The following SLC6A11 variants were observed in gnomAD, a reference collection of about 807,000 sequenced individuals.
The protein encoded by SLC6A11 is sodium- and chloride-dependent GABA transporter 3.
SLC6A11 carries 25 observed loss-of-function variants against 74.8 expected under a neutral mutation model. The observed-to-expected ratio is 0.33, with a 90% CI of 0.24 to 0.47. SLC6A11 has a LOEUF of 0.47. Ranked by LOEUF, SLC6A11 falls within the 20% of genes least tolerant of loss-of-function variation. The pLI is 1.00. For missense variants in SLC6A11, 574 were observed against 837.0 expected (o/e 0.69, Z 3.88); for synonymous variants, 330 against 330.2 (o/e 1.00, Z 0.01).
In SLC6A11 at chr3:10,816,252, C is replaced by A; in HGVS notation, c.-14C>A. On this transcript the variant is annotated 5_prime_UTR_variant, in exon 1 of 14. Transcript: ENST00000254488. The surrounding 1 kb of genome is among the most constrained non-coding windows in gnomAD (Gnocchi z 4.2). ...CGCAGAGCCGGGCCGGCGCACGAGG[C>A]AGCCAGCGCGGCCATGACGGCGGAG... 1 of 1,312,770 alleles carries A rather than the reference C, an allele frequency of 7.6e-7. No individual in the cohort carries two copies. The highest frequency in any genetic ancestry group is 9.7e-7 in the Non-Finnish European group (1 of 1,033,742). 81.3% of individuals were successfully genotyped at this position (1,312,770 alleles called of 1,614,324 possible).
chr3:10,823,147 G>A (rs1443929121), intron 3 of SLC6A11, among the ~76,000 whole-genome samples, 155 bp from the exon 4 acceptor site: 4 of 152,216 alleles, frequency 2.6e-5, no homozygotes, highest in Non-Finnish European at 5.9e-5. Context: ...TTAACTGTTT[G>A]TAAAGTATTG....
chr3:10,892,958 G>GGATTAACTGGA (rs1695125115), intron 6 of SLC6A11, among the ~76,000 whole-genome samples: 1 of 152,150 alleles, frequency 6.6e-6, no homozygotes, highest in Non-Finnish European at 1.5e-5. Context: ...AGCTACAGTT[G>GGATTAACTGGA]ACTGACCCTT....
intron 6 of SLC6A11, among the ~76,000 whole-genome samples, chr3:10,875,882 A>G (rs547096099): frequency 1.3e-5 from 2 of 152,352 alleles, no homozygotes; most frequent in South Asian, 4.1e-4. Flanking sequence ...CCCAGAGCAT[A>G]ACCCAGACCA....
intron 5 of SLC6A11, among the ~76,000 whole-genome samples, chr3:10,869,903 C>G (rs757586881): frequency 2.6e-5 from 4 of 152,078 alleles, no homozygotes; most frequent in Non-Finnish European, 4.4e-5. Flanking sequence ...AGTTGGAGAT[C>G]TAGTTGGCAA....
chr3:10,935,290 T>C, intron 13 of SLC6A11, 91 bp downstream of exon 13: 2 of 1,165,490 alleles, frequency 1.7e-6, no homozygotes, highest in South Asian at 1.4e-5. Context: ...GATGACGGCC[T>C]GCGCCCACCT....
chr3:10,891,891 C>T (rs1695111368), intron 6 of SLC6A11, among the ~76,000 whole-genome samples: 1 of 152,220 alleles, frequency 6.6e-6, no homozygotes. Flanking sequence ...ATAAACCCTA[C>T]TCTGTCCACC....
At chr3:10,911,826 A>G (rs1348530542) in intron 6 of SLC6A11, among the ~76,000 whole-genome samples, 2 of 152,218 alleles carry the variant, frequency 1.3e-5, no homozygotes, top group African/African-American at 2.4e-5. Flanking sequence ...GGTCCTAAGC[A>G]TTCAAATTCT....
chr3:10,925,776 C>A (rs1695596702), intron 8 of SLC6A11, among the ~76,000 whole-genome samples: 1 of 152,160 alleles, frequency 6.6e-6, no homozygotes, highest in African/African-American at 2.4e-5. Flanking sequence ...GAATCCTGAC[C>A]CTTCCAAGGC....
At chr3:10,836,524 C>T (rs899174632) in intron 4 of SLC6A11, among the ~76,000 whole-genome samples, 1 of 152,190 alleles carries the variant, frequency 6.6e-6, no homozygotes, top group Non-Finnish European at 1.5e-5. Context: ...TATTGTCTGA[C>T]TTTTTGATTA....
chr3:10,935,235 AG>A (rs779935940), intron 13 of SLC6A11, 36 bp downstream of exon 13: 3 of 1,603,070 alleles, frequency 1.9e-6, no homozygotes, highest in Non-Finnish European at 1.7e-6. Flanking sequence ...GCGTTTGGGC[AG>A]GGTTCGCGCC....
chr3:10,855,495 C>T lies in SLC6A11; in HGVS notation c.756+11149C>T, dbSNP rs1694628377. On this transcript the variant is annotated intron_variant, in intron 5 of 13. Coordinates refer to ENST00000254488, the MANE Select transcript of SLC6A11 (RefSeq NM_014229.3). The stretch of plus-strand genomic sequence containing the variant: ...CTTCTTGGCTGTCTCCTCACTCCTG[C>T]CATAGCTCTTATCAGCAGCAGCATC... 2.6e-5 allele frequency among the ~76,000 whole-genome samples: 4 copies of T among 152,202 alleles called. No individual in the cohort carries two copies. The South Asian group carries it at 8.3e-4, about 32-fold the overall frequency.
In SLC6A11 at chr3:10,912,153, G is replaced by A. The variant is rs1441528635; in HGVS notation, c.955G>A (p.Ala319Thr). The A allele has an allele frequency of 7.4e-6, 12 of 1,613,518 alleles. No individual in the cohort carries two copies. The highest frequency in any genetic ancestry group is 1.7e-5 in the Admixed American group (1 of 59,994). ...SYAICLGCLT[A>T]LGSYNNYNNN... ...TGCCATTTGCCTGGGCTGTCTGACC[G>A]CTCTGGGAAGTTATAACAATTATAA... Residue 319 changes from alanine to threonine, a missense_variant, in exon 7 of 14, where the codon GCT becomes ACT. This residue lies in a region of SLC6A11 where 215 missense variants were observed against 357.9 expected (regional missense o/e 0.60). Coordinates refer to ENST00000254488, the MANE Select transcript of SLC6A11 (RefSeq NM_014229.3).
chr3:10,818,083 TTTA>T lies in SLC6A11; in HGVS notation c.257-1381_257-1379del, dbSNP rs1369293968. On this transcript the variant is annotated intron_variant, in intron 1 of 13. Transcript: ENST00000254488. The stretch of plus-strand genomic sequence containing the variant: ...TCTGTCACAGATTTTTTTTTTTTTT[TTTA>T]AAAAAAAAGGTTGTAGTGAGTAAAG... Among the ~76,000 whole-genome samples the T allele has an allele frequency of 1.9e-4, 29 of 150,012 alleles. 1 individual carries two copies. The highest frequency in any genetic ancestry group is 3.4e-3 in the Middle Eastern group (1 of 292).
At chr3:10,881,249 C>G (rs945265472) in intron 6 of SLC6A11, among the ~76,000 whole-genome samples, 1 of 152,054 alleles carries the variant, frequency 6.6e-6, no homozygotes, top group African/African-American at 2.4e-5. Flanking sequence ...AACTCCGTCT[C>G]TACTAAAAAT....
chr3:10,933,346 G>A, intron 11 of SLC6A11, 93 bp downstream of exon 11: 1 of 861,660 alleles, frequency 1.2e-6, no homozygotes. Context: ...GTTCTCTGTG[G>A]CTTATCTTGG....
At chr3:10,934,789 G>A (rs1376048138) in intron 12 of SLC6A11, among the ~76,000 whole-genome samples, 1 of 152,190 alleles carries the variant, frequency 6.6e-6, no homozygotes, top group Non-Finnish European at 1.5e-5. Flanking sequence ...ACAGCCCAGC[G>A]AGGTCCCAGA....
chr3:10,820,577 C>G (rs1323801044), intron 3 of SLC6A11, among the ~76,000 whole-genome samples: 3 of 152,208 alleles, frequency 2.0e-5, no homozygotes, highest in African/African-American at 7.2e-5. Flanking sequence ...CCCAACCCCA[C>G]TCCTGCTGGA....
chr3:10,895,211 T>G (rs1477466671), intron 6 of SLC6A11, among the ~76,000 whole-genome samples: 1 of 152,226 alleles, frequency 6.6e-6, no homozygotes, highest in African/African-American at 2.4e-5. Flanking sequence ...TCACCTTTTT[T>G]AAAACTTAAT....
At chr3:10,921,256 T>C (rs1294579142) in intron 8 of SLC6A11, among the ~76,000 whole-genome samples, 1 of 152,230 alleles carries the variant, frequency 6.6e-6, no homozygotes, top group Admixed American at 6.5e-5. Flanking sequence ...TTATCCAGCC[T>C]AATAATCTCT....
Sources: allele counts gnomAD v4.1 joint callset (sites outside exome capture counted in the v4.1 genomes callset), GRCh38; gene constraint gnomAD v4.1.1; regional missense constraint gnomAD v4.1.1; non-coding constraint Gnocchi (gnomAD v3.1); transcripts MANE v1.5; gene names NCBI Gene and HGNC (gene_info 2026-07-23, HGNC 2026-07-21).